PLIN2: variants seen among roughly 807,000 people sequenced by gnomAD.
PLIN2 encodes perilipin-2.
A neutral mutation model predicts 30.6 loss-of-function variants in PLIN2; 33 were observed. That is an observed-to-expected ratio of 1.08 (90% CI 0.82 to 1.44). PLIN2 has a LOEUF of 1.44. Ranked by LOEUF, PLIN2 falls within the 40% of genes most tolerant of loss-of-function variation. PLIN2 has a pLI of 0.00. For missense variants in PLIN2, 610 were observed against 531.8 expected, an observed-to-expected ratio of 1.15 and a Z score of -1.45; for synonymous variants, 205 against 201.1, an observed-to-expected ratio of 1.02 and a Z score of -0.16.
At chr9:19,113,114 G>A (rs982955099), downstream of PLIN2, among the ~76,000 whole-genome samples, 6 of 152,054 alleles carry the variant, frequency 3.9e-5, no homozygotes, top group African/African-American at 9.7e-5. Context: ...AGGCCGAAGC[G>A]GGCAGATCAC....
intron 5 of PLIN2, among the ~76,000 whole-genome samples, chr9:19,120,381 C>T (rs556624732): frequency 6.6e-6 from 1 of 152,144 alleles, no homozygotes; most frequent in African/African-American, 2.4e-5. Context: ...GGCATGGTAC[C>T]TGGCACACAT....
chr9:19,114,327 G>A (rs1380856229), downstream of PLIN2, among the ~76,000 whole-genome samples: 1 of 152,116 alleles, frequency 6.6e-6, no homozygotes, highest in Non-Finnish European at 1.5e-5. Context: ...AGACTAATTT[G>A]AGTTAGACTT....
rs1332319551 is a variant in PLIN2 at position 19,126,219 on chromosome 9, G to T, written c.121C>A (p.Pro41Thr). The T allele has an allele frequency of 1.2e-6, 2 of 1,614,052 alleles. No individual in the cohort carries two copies. The highest frequency in any genetic ancestry group is 1.7e-6 in the Non-Finnish European group (2 of 1,180,014). ...ATCTCACACACAGACTTCAGGTAGG[G>T]ATACTGGTCCTTTGTACTGAGATAG... ...SAYLSTKDQY[P>T]YLKSVCEMAE... is the part of the protein sequence containing the mutation. Residue 41 changes from proline to threonine, a missense_variant, in exon 3 of 8, where the codon CCC (proline) becomes ACC (threonine). Transcript: ENST00000276914.
chr9:19,126,711 A>G (rs1818406475), intron 1 of PLIN2, among the ~76,000 whole-genome samples: 1 of 152,204 alleles, frequency 6.6e-6, no homozygotes, highest in Non-Finnish European at 1.5e-5. Flanking sequence ...AAAGTTGTTG[A>G]CATACTTCTC....
rs762770840 is a variant in PLIN2, at chr9:19,127,210, G to A, written c.-23+209C>T. Among the ~76,000 whole-genome samples, 3 of 152,188 alleles carry A rather than the reference G, an allele frequency of 2.0e-5. No homozygotes were observed. The highest frequency in any genetic ancestry group is 4.8e-5 in the African/African-American group (2 of 41,458). On this transcript the variant is annotated intron_variant, in intron 1 of 7. Coordinates refer to ENST00000276914, the MANE Select transcript of PLIN2 (RefSeq NM_001122.4). The surrounding 1 kb of genome is among the most constrained non-coding windows in gnomAD (Gnocchi z 4.3). ...ACAAAGGCAAGGGTCGAAAGCGCGG[G>A]TTCAGCAGACCGCCCCTACCCAGCC...
chr9:19,116,899 C>G (rs776058707), intron 7 of PLIN2, among the ~76,000 whole-genome samples: 6 of 152,122 alleles, frequency 3.9e-5, no homozygotes, highest in Non-Finnish European at 8.8e-5. Flanking sequence ...GTGCCTGAGT[C>G]TCCAAAGTTC....
chr9:19,126,356 A>G, intron 2 of PLIN2, 41 bp downstream of exon 2: 1 of 1,613,620 alleles, frequency 6.2e-7, no homozygotes, highest in East Asian at 2.2e-5. Context: ...CTCAAAACAC[A>G]AAAGGAGAGA....
intron 5 of PLIN2, 66 bp downstream of exon 5, chr9:19,120,814 A>T: frequency 8.0e-7 from 1 of 1,250,738 alleles, no homozygotes; most frequent in South Asian, 1.3e-5. Flanking sequence ...ATGAGAGTAT[A>T]TGTCAATGAA....
chr9:19,118,958 G>A (rs1387019815), intron 6 of PLIN2, among the ~76,000 whole-genome samples: 1 of 152,174 alleles, frequency 6.6e-6, no homozygotes, highest in Non-Finnish European at 1.5e-5. Context: ...CTCCTAAAGT[G>A]CTGGGATTAT....
At position 19,126,286 on chromosome 9, in the gene PLIN2, G is replaced by C. The variant is rs773449471; in HGVS notation, c.54C>G (p.Asn18Lys). ...PQPSVVTRVV[N>K]LPLVSSTYDL... is the part of the protein sequence containing the mutation. ...CATACGTGGAGCTCACCAAGGGCAG[G>C]TTGACCACCCGAGTCACCACACTCT... The change falls in exon 3 of 8, where the codon AAC becomes AAG. Residue 18 changes from asparagine (N) to lysine (K), a missense_variant. Coordinates refer to ENST00000276914, the MANE Select transcript of PLIN2 (RefSeq NM_001122.4). 1 of 1,614,088 alleles carries C rather than the reference G, an allele frequency of 6.2e-7. No homozygotes were observed. Among genetic ancestry groups the C allele is most frequent in the South Asian group, 1.1e-5 (1 of 91,082 alleles).
At chr9:19,123,241 A>T in intron 4 of PLIN2, 1 of 954,080 alleles carries the variant, frequency 1.0e-6, no homozygotes, top group Non-Finnish European at 1.5e-6. Flanking sequence ...AAGGTTATAT[A>T]TATCACGTCT....
chr9:19,117,644 G>C (rs1322575661), intron 7 of PLIN2, among the ~76,000 whole-genome samples: 1 of 150,164 alleles, frequency 6.7e-6, no homozygotes, highest in African/African-American at 2.5e-5. Flanking sequence ...TTGAGACAGA[G>C]TCTTACTCTG....
chr9:19,118,330 G>A lies in PLIN2; in HGVS notation c.903C>T (p.His301=). Reference sequence around the variant, plus strand: ...GTCCCAGTCATCTTACCTCAGCACAGTGGGACTCATCAGTATCATCATATC... The same window carrying A: ...GTCCCAGTCATCTTACCTCAGCACAATGGGACTCATCAGTATCATCATATC... ...SIGYDDTDES[H]CAEHIESRTL... is the part of the protein sequence containing the mutation. Residue 301 remains histidine, a synonymous_variant, in exon 7 of 8, where the codon CAC becomes CAT. Transcript: ENST00000276914. 6.2e-7 allele frequency: 1 copy of A among 1,612,020 alleles called. No homozygotes were observed. Among genetic ancestry groups the A allele is most frequent in the East Asian group, 2.2e-5 (1 of 44,838 alleles).
intron 4 of PLIN2, among the ~76,000 whole-genome samples, chr9:19,121,539 A>C (rs1588645792): frequency 6.6e-6 from 1 of 151,712 alleles, no homozygotes; most frequent in Non-Finnish European, 1.5e-5. Flanking sequence ...AAGAAAAGAA[A>C]AGAAGGTAAG....
At chr9:19,126,479 G>T in intron 1 of PLIN2, 31 bp from the exon 2 acceptor site, 1 of 1,348,650 alleles carries the variant, frequency 7.4e-7, no homozygotes, top group Non-Finnish European at 1.1e-6. Context: ...TCAGAACACC[G>T]GGATAAGACT....
rs1179418434 is a variant in PLIN2 at position 19,121,027 on chromosome 9, C to T, written c.448G>A (p.Glu150Lys). The T allele has an allele frequency of 4.3e-6, 7 of 1,614,088 alleles. No individual in the cohort carries two copies. The Admixed American group carries it at 6.7e-5, about 15-fold the overall frequency. The change falls in exon 5 of 8, where the codon GAG becomes AAG. Residue 150 changes from glutamate to lysine, a missense_variant. Glu to Lys is a moderately conservative substitution (Grantham distance 56). Coordinates refer to ENST00000276914, the MANE Select transcript of PLIN2 (RefSeq NM_001122.4). ...CCACTGACCACAGACTTGGTCTTCT[C>T]CACACTGCCAGTCACTGCCCCTTTG... ...KTKGAVTGSV[E>K]KTKSVVSGSI...
downstream of PLIN2, among the ~76,000 whole-genome samples, chr9:19,113,523 T>A (rs1216858532): frequency 6.6e-6 from 1 of 151,900 alleles, no homozygotes; most frequent in Admixed American, 6.6e-5. Flanking sequence ...TCAACTCACC[T>A]GTTTACTGAT....
chr9:19,126,346 C>A (rs961701438), intron 2 of PLIN2, 37 bp from the exon 3 acceptor site: 1 of 1,613,742 alleles, frequency 6.2e-7, no homozygotes, highest in Non-Finnish European at 8.5e-7. Flanking sequence ...TTATTAATCT[C>A]TCAAAACACA....
chr9:19,115,508 C>T (rs1018478682), downstream of PLIN2, among the ~76,000 whole-genome samples: 3 of 151,932 alleles, frequency 2.0e-5, no homozygotes, highest in African/African-American at 4.8e-5. Flanking sequence ...GGGGTTTCAC[C>T]GTGTTCGCCA....
Sources: gnomAD v4.1 joint callset for allele counts (sites outside exome capture counted in the v4.1 genomes callset) on GRCh38, gnomAD v4.1.1 for gene constraint, Gnocchi (gnomAD v3.1) non-coding constraint, MANE v1.5 for transcripts, NCBI Gene and HGNC (gene_info 2026-07-23, HGNC 2026-07-21) for gene names.